KALRN: variants seen among roughly 807,000 people sequenced by gnomAD.
KALRN encodes kalirin.
A neutral mutation model predicts 353.7 loss-of-function variants in KALRN; 70 were observed. The observed-to-expected ratio is 0.20, with a 90% CI of 0.16 to 0.24. The LOEUF is 0.24. KALRN is among the 10% of genes least tolerant of loss of function. The pLI is 1.00. For synonymous variants in KALRN, 1,391 were observed against 1,434.8 expected (o/e 0.97, Z 0.69); for missense variants, 2,791 against 3,756.7 (o/e 0.74, Z 6.72).
rs1163149277 is a variant in KALRN, at chr3:124,246,732, G to A, written c.263+11789G>A. 1.3e-4 allele frequency among the ~76,000 whole-genome samples: 20 copies of A among 152,322 alleles called. No homozygotes were observed. The East Asian group carries it at 3.9e-3, about 29-fold the overall frequency. On this transcript the variant is annotated intron_variant, in intron 3 of 59. Coordinates refer to ENST00000682506, the MANE Select transcript of KALRN (RefSeq NM_001388419.1). The stretch of plus-strand genomic sequence containing the variant: ...AGAGCAGGCTGATTAGGAAGCTGAA[G>A]TGTCTGGTGTCACCTTGATTAGGTC...
At chr3:124,435,018 C>T (rs2093413609) in intron 17 of KALRN, among the ~76,000 whole-genome samples, 1 of 152,192 alleles carries the variant, frequency 6.6e-6, no homozygotes, top group African/African-American at 2.4e-5. Context: ...ATCTCAGGCA[C>T]ATTTATAGTT....
At position 124,147,914 on chromosome 3, in the gene KALRN, TG is replaced by T. The variant is rs569092841; in HGVS notation, c.74-80075del. Among the ~76,000 whole-genome samples, 299 of 152,346 alleles carry T rather than the reference TG, an allele frequency of 2.0e-3. 1 individual carries two copies. Among genetic ancestry groups the T allele is most frequent in the African/African-American group, 6.7e-3 (278 of 41,582 alleles). Reference sequence around the variant, plus strand: ...GTTGATCCTCAGATGTTTTTTGGATTGAATGTTTGATTCAGAGCGTAAAACC... The same window carrying T: ...GTTGATCCTCAGATGTTTTTTGGATTAATGTTTGATTCAGAGCGTAAAACC... On this transcript the variant is annotated intron_variant, in intron 1 of 59. Coordinates refer to ENST00000682506, the MANE Select transcript of KALRN (RefSeq NM_001388419.1).
chr3:124,128,396 A>G (rs1246538797), intron 1 of KALRN, among the ~76,000 whole-genome samples: 4 of 152,206 alleles, frequency 2.6e-5, no homozygotes, highest in African/African-American at 4.8e-5. Flanking sequence ...CCTGAAAAAG[A>G]TGGATTTTCC....
intron 34 of KALRN, among the ~76,000 whole-genome samples, chr3:124,607,332 CTG>C (rs1189370761): frequency 7.9e-5 from 12 of 152,122 alleles, no homozygotes; most frequent in Non-Finnish European, 1.8e-4. Context: ...CAAGAACAAA[CTG>C]TGTGTCTATG....
chr3:124,069,339 AGGAGGAGGAGGAGGAGGAGGAGGAGG>A (rs2042650873), intron 1 of KALRN, among the ~76,000 whole-genome samples: 13 of 126,706 alleles, frequency 1.0e-4, no homozygotes, highest in Admixed American at 3.8e-4. Flanking sequence ...GAGGAGGAGG[AGGAGGAGGAGGAGGAGGAGGAGGAGG>A]AGGAGGAAAT....
chr3:124,391,821 T>C (rs2089434407), intron 11 of KALRN, among the ~76,000 whole-genome samples: 1 of 152,192 alleles, frequency 6.6e-6, no homozygotes, highest in African/African-American at 2.4e-5. Context: ...TCTCTTTACA[T>C]CTATTTTTCT....
intron 1 of KALRN, among the ~76,000 whole-genome samples, chr3:124,215,869 G>C (rs1209466140): frequency 6.6e-6 from 1 of 152,148 alleles, no homozygotes; most frequent in East Asian, 1.9e-4. Flanking sequence ...ACCTTATCCT[G>C]CCATTATCCA....
intron 34 of KALRN, among the ~76,000 whole-genome samples, chr3:124,600,519 C>G (rs1211678806): frequency 6.6e-6 from 1 of 152,126 alleles, no homozygotes; most frequent in African/African-American, 2.4e-5. Flanking sequence ...AAGTCAGGTA[C>G]TAGAAAGTGA....
chr3:124,217,689 A>T (rs1285517877), intron 1 of KALRN, among the ~76,000 whole-genome samples: 1 of 152,028 alleles, frequency 6.6e-6, no homozygotes, highest in Non-Finnish European at 1.5e-5. Flanking sequence ...GACAGCAGCC[A>T]CTCCAAGTAG....
intron 33 of KALRN, among the ~76,000 whole-genome samples, chr3:124,531,185 C>T (rs1025999182): frequency 1.3e-5 from 2 of 152,204 alleles, no homozygotes; most frequent in Non-Finnish European, 2.9e-5. Context: ...CATAGACCTA[C>T]TCAATCACAA....
At chr3:124,433,892 A>G (rs1327449039) in intron 16 of KALRN, among the ~76,000 whole-genome samples, 1 of 152,218 alleles carries the variant, frequency 6.6e-6, no homozygotes, top group Non-Finnish European at 1.5e-5. Flanking sequence ...TGCTGTCTAT[A>G]CTTGATCTGT....
rs1413663889 is a variant in KALRN, at chr3:124,430,669, TC to T, written c.2725del (p.Arg909AlafsTer87). 6.2e-7 allele frequency: 1 copy of T among 1,614,028 alleles called. No homozygotes were observed. The highest frequency in any genetic ancestry group is 8.5e-7 in the Non-Finnish European group (1 of 1,179,988). The stretch of plus-strand genomic sequence containing the variant: ...CCGATTCCCTAGGTTCTGGGATGGA[TC>T]CGCAATGGAGAGTCAATGCTCAACG... ...QAEVKQVLGW[I>X]RNGESMLNAS... On this transcript the variant is annotated frameshift_variant, in exon 16 of 60. Transcript: ENST00000682506. LOFTEE classifies it high-confidence loss of function.
At chr3:124,593,288 C>T (rs1449882895) in intron 34 of KALRN, among the ~76,000 whole-genome samples, 2 of 152,184 alleles carry the variant, frequency 1.3e-5, no homozygotes, top group African/African-American at 4.8e-5. Flanking sequence ...TCCTTCTCTT[C>T]TTTGTCTGCC....
intron 59 of KALRN, among the ~76,000 whole-genome samples, chr3:124,718,018 G>C (rs897937968): frequency 1.3e-5 from 2 of 151,024 alleles, no homozygotes; most frequent in African/African-American, 4.9e-5. Flanking sequence ...CATCATGTTG[G>C]CCAGGCTGGT....
At chr3:124,292,001 G>A (rs1320200670) in intron 5 of KALRN, among the ~76,000 whole-genome samples, 4 of 152,092 alleles carry the variant, frequency 2.6e-5, no homozygotes, top group African/African-American at 9.7e-5. Flanking sequence ...TGGTCTGCAG[G>A]GTTTGCAGGA....
chr3:124,444,208 AG>A (rs1435775597), intron 19 of KALRN, among the ~76,000 whole-genome samples: 7 of 152,202 alleles, frequency 4.6e-5, no homozygotes, highest in Non-Finnish European at 8.8e-5. Context: ...CCTTCACTCC[AG>A]GTAAGAGCTT....
At chr3:124,388,546 G>T (rs547502728) in intron 11 of KALRN, among the ~76,000 whole-genome samples, 2 of 152,202 alleles carry the variant, frequency 1.3e-5, no homozygotes, top group East Asian at 1.9e-4. Flanking sequence ...GAATAAATGG[G>T]TTTACTTGAC....
intron 36 of KALRN, among the ~76,000 whole-genome samples, chr3:124,634,344 A>G (rs2081123026): frequency 6.6e-6 from 1 of 152,186 alleles, no homozygotes; most frequent in Non-Finnish European, 1.5e-5. Flanking sequence ...AGTCAACTCT[A>G]AACTCTAACT....
intron 9 of KALRN, among the ~76,000 whole-genome samples, chr3:124,335,864 A>G (rs1489401868): frequency 1.3e-5 from 2 of 152,218 alleles, no homozygotes; most frequent in African/African-American, 4.8e-5. Context: ...GTATTATATA[A>G]TACAATGTAA....
Sources: gnomAD v4.1 joint callset for allele counts (sites outside exome capture counted in the v4.1 genomes callset) on GRCh38, gnomAD v4.1.1 for gene constraint, MANE v1.5 for transcripts, NCBI Gene and HGNC (gene_info 2026-07-23, HGNC 2026-07-21) for gene names.